TNFRSF1B: variants seen among roughly 807,000 people sequenced by gnomAD.
TNFRSF1B encodes tumor necrosis factor receptor superfamily member 1B.
A neutral mutation model predicts 44.6 loss-of-function variants in TNFRSF1B; 19 were observed. The ratio of observed to expected loss-of-function variants is 0.43; its 90% CI spans 0.30 to 0.62. The LOEUF is 0.62. Among genes scored for constraint, TNFRSF1B ranks in the 20% least tolerant of loss-of-function variants. The pLI is 0.16. For synonymous variants in TNFRSF1B, 252 were observed against 261.1 expected (o/e 0.97, Z 0.34); for missense variants, 541 against 619.9 (o/e 0.87, Z 1.35).
At chr1:12,179,583 T>C (rs1054389694) in intron 1 of TNFRSF1B, among the ~76,000 whole-genome samples, 2 of 152,200 alleles carry the variant, frequency 1.3e-5, no homozygotes, top group Admixed American at 1.3e-4. Flanking sequence ...GAGACCCTTT[T>C]GCCTGGGAGA....
intron 1 of TNFRSF1B, among the ~76,000 whole-genome samples, chr1:12,183,706 ATCTAT>A (rs1191295555): frequency 1.6e-4 from 19 of 121,746 alleles, no homozygotes; most frequent in African/African-American, 4.5e-4. Flanking sequence ...CTATCTATCT[ATCTAT>A]TCTATCTACC....
At position 12,180,625 on chromosome 1, in the gene TNFRSF1B, C is replaced by T. The variant is rs894618040; in HGVS notation, c.79-8171C>T. Among the ~76,000 whole-genome samples, 7 of 152,214 alleles carry T rather than the reference C, an allele frequency of 4.6e-5. No homozygotes were observed. Among genetic ancestry groups the T allele is most frequent in the Admixed American group, 6.5e-5 (1 of 15,290 alleles). ...AGCAGAGTCCTAGTCTTGAGCGAATCTTATACCTGCAGCCCTGTCCACCAG... is the reference window on the plus strand; with the variant it reads ...AGCAGAGTCCTAGTCTTGAGCGAATTTTATACCTGCAGCCCTGTCCACCAG... On this transcript the variant is annotated intron_variant, in intron 1 of 9. Coordinates refer to ENST00000376259, the MANE Select transcript of TNFRSF1B (RefSeq NM_001066.3). The surrounding 1 kb of genome is among the most constrained non-coding windows in gnomAD (Gnocchi z 4.3).
intron 4 of TNFRSF1B, 149 bp downstream of exon 4, chr1:12,192,072 A>C: frequency 8.9e-7 from 1 of 1,122,972 alleles, no homozygotes. Flanking sequence ...CCGTCTGTCC[A>C]CCTGTCCACC....
At chr1:12,200,396 TTGAC>T (rs1038006085) in intron 8 of TNFRSF1B, among the ~76,000 whole-genome samples, 2 of 151,890 alleles carry the variant, frequency 1.3e-5, no homozygotes, top group African/African-American at 4.8e-5. Context: ...CCCGGAATGA[TTGAC>T]TGAGCGCAAA....
chr1:12,194,645 C>G (rs1278598215), intron 8 of TNFRSF1B, 27 bp downstream of exon 8: 1 of 1,613,934 alleles, frequency 6.2e-7, no homozygotes, highest in Non-Finnish European at 8.5e-7. Flanking sequence ...CCCTCTCCCC[C>G]TCTTCCCCTG....
chr1:12,197,236 C>T (rs1048289783), intron 8 of TNFRSF1B, among the ~76,000 whole-genome samples: 6 of 152,222 alleles, frequency 3.9e-5, no homozygotes, highest in African/African-American at 1.2e-4. Context: ...GCATAAGCCA[C>T]CACGCCTGGC....
Position 12,191,755 on chromosome 1 carries a change from C to G in TNFRSF1B, c.308-19C>G. ...GGCGGAGGCAGGCGTGACCGTTTGC[C>G]GCCCTCTCGCTGCTCTAGACCAGGT... is the stretch of plus-strand genomic sequence containing the variant. On this transcript the variant is annotated intron_variant, in intron 3 of 9. Coordinates refer to ENST00000376259, the MANE Select transcript of TNFRSF1B (RefSeq NM_001066.3). 1 of 1,612,632 alleles carries G rather than the reference C, an allele frequency of 6.2e-7. No individual in the cohort carries two copies. Among genetic ancestry groups the G allele is most frequent in the Non-Finnish European group, 8.5e-7 (1 of 1,179,544 alleles).
chr1:12,167,240 G>A, intron 1 of TNFRSF1B, 71 bp downstream of exon 1: 2 of 1,144,670 alleles, frequency 1.7e-6, no homozygotes, highest in South Asian at 3.5e-5. Context: ...CAGCCTTCGG[G>A]TGCCCGGGCC....
At chr1:12,184,214 C>T (rs574049723) in intron 1 of TNFRSF1B, among the ~76,000 whole-genome samples, 11 of 152,316 alleles carry the variant, frequency 7.2e-5, no homozygotes, top group East Asian at 1.9e-4. Context: ...GACCAGAGGC[C>T]GGCTCCCAGG....
chr1:12,196,822 C>G (rs189111576), intron 8 of TNFRSF1B, among the ~76,000 whole-genome samples: 1 of 152,226 alleles, frequency 6.6e-6, no homozygotes, highest in African/African-American at 2.4e-5. Flanking sequence ...GGTGTCTCCC[C>G]CAAGCTCTTC....
intron 8 of TNFRSF1B, among the ~76,000 whole-genome samples, chr1:12,197,156 C>G (rs1639284589): frequency 6.6e-6 from 1 of 152,054 alleles, no homozygotes; most frequent in African/African-American, 2.4e-5. Flanking sequence ...CCATGTTGGC[C>G]AGGCTGGTCT....
chr1:12,192,869 C>T lies in TNFRSF1B; in HGVS notation c.558C>T (p.Asn186=), dbSNP rs536867737. Residue 186 remains asparagine (N), a synonymous_variant, in exon 6 of 10, where the codon AAC becomes AAT. Coordinates refer to ENST00000376259, the MANE Select transcript of TNFRSF1B (RefSeq NM_001066.3). ...AAGCCTCCTCCTCCTCCAGCTGTAACGTGGTGGCCATCCCTGGGAATGCAA... is the reference window on the plus strand; with the variant it reads ...AAGCCTCCTCCTCCTCCAGCTGTAATGTGGTGGCCATCCCTGGGAATGCAA... The part of the protein sequence containing the change: ...TDICRPHQIC[N]VVAIPGNASM... 32 of 1,613,314 alleles carry T rather than the reference C, an allele frequency of 2.0e-5. 1 individual carries two copies. In the South Asian group the frequency reaches 2.5e-4, roughly 13 times the overall value.
chr1:12,208,881 G>A lies in TNFRSF1B; in HGVS notation c.*1861G>A, dbSNP rs1570186442. On this transcript the variant is annotated 3_prime_UTR_variant, in exon 10 of 10. Transcript: ENST00000376259. ...GGATCACTGGAGCCCAGGAGTTTGAGGCTGCAGCGAGCTATGATCGCGCCA... is the reference window on the plus strand; with the variant it reads ...GGATCACTGGAGCCCAGGAGTTTGAAGCTGCAGCGAGCTATGATCGCGCCA... The A allele has an allele frequency of 6.6e-6, 1 of 152,348 alleles. No individual in the cohort carries two copies. Among genetic ancestry groups the A allele is most frequent in the African/African-American group, 2.4e-5 (1 of 41,544 alleles). The allele number at this position is 152,348 out of a possible 1,614,324, so 9.4% of individuals were successfully genotyped here.
In TNFRSF1B at chr1:12,180,734, ACCGGGT is replaced by A. The variant is rs143739771; in HGVS notation, c.79-8060_79-8055del. Reference sequence around the variant, plus strand: ...GTGCAGGGAGGGTGGAACCTGACTGACCGGGTCAGCCTTACTCTTCCAGCGGGGTCT... The same window carrying A: ...GTGCAGGGAGGGTGGAACCTGACTGACAGCCTTACTCTTCCAGCGGGGTCT... On this transcript the variant is annotated intron_variant, in intron 1 of 9. Transcript: ENST00000376259. This position sits in a 1 kb window ranked among gnomAD's most constrained non-coding sequence, Gnocchi z 4.3. Among the ~76,000 whole-genome samples, 161 of 152,168 alleles carry A rather than the reference ACCGGGT, an allele frequency of 1.1e-3. No homozygotes were observed. Among genetic ancestry groups the A allele is most frequent in the African/African-American group, 3.7e-3 (154 of 41,504 alleles).
At chr1:12,172,854 C>T (rs1001604254) in intron 1 of TNFRSF1B, among the ~76,000 whole-genome samples, 1 of 152,146 alleles carries the variant, frequency 6.6e-6, no homozygotes, top group Non-Finnish European at 1.5e-5. Context: ...GTGAAGGGTA[C>T]ATTTGGTGAA....
At chr1:12,190,866 T>C in intron 2 of TNFRSF1B, 91 bp from the exon 3 acceptor site, 1 of 1,499,812 alleles carries the variant, frequency 6.7e-7, no homozygotes, top group Non-Finnish European at 9.0e-7. Flanking sequence ...AGCTGGGCTT[T>C]AGAACTCTGG....
chr1:12,177,466 GGCTGCAC>G lies in TNFRSF1B; in HGVS notation c.78+10298_78+10304del, dbSNP rs1203672398. ...GGTTGCTCATCTCAGGTATGAAATT[GGCTGCAC>G]CCCCACTAGTGTGGGGGAGCAGGAT... On this transcript the variant is annotated intron_variant, in intron 1 of 9. Coordinates refer to ENST00000376259, the MANE Select transcript of TNFRSF1B (RefSeq NM_001066.3). The surrounding 1 kb of genome is among the most constrained non-coding windows in gnomAD (Gnocchi z 4.3). 6.6e-6 allele frequency among the ~76,000 whole-genome samples: 1 copy of G among 152,196 alleles called. No homozygotes were observed. Among genetic ancestry groups the G allele is most frequent in the African/African-American group, 2.4e-5 (1 of 41,460 alleles).
At position 12,208,387 on chromosome 1, in the gene TNFRSF1B, C is replaced by T. The variant is rs1334876362; in HGVS notation, c.*1367C>T. On this transcript the variant is annotated 3_prime_UTR_variant, in exon 10 of 10. Coordinates refer to ENST00000376259, the MANE Select transcript of TNFRSF1B (RefSeq NM_001066.3). The stretch of plus-strand genomic sequence containing the variant: ...AACGGGCTGCCCTGCCACTTTGGTA[C>T]ATGGCCAGTGTGATCCCAAGTGCCA... 6.5e-6 allele frequency: 1 copy of T among 152,808 alleles called. No individual in the cohort carries two copies. The highest frequency in any genetic ancestry group is 2.4e-5 in the African/African-American group (1 of 41,468). 9.5% of individuals were successfully genotyped at this position (152,808 alleles called of 1,614,324 possible).
intron 2 of TNFRSF1B, among the ~76,000 whole-genome samples, chr1:12,189,762 G>A (rs114136735): frequency 1.3e-3 from 193 of 152,358 alleles, no homozygotes; most frequent in Non-Finnish European, 2.1e-3. Context: ...GGTAAGGCGG[G>A]GGAGACAGAA....
Sources: gnomAD v4.1 joint callset for allele counts (sites outside exome capture counted in the v4.1 genomes callset) on GRCh38, gnomAD v4.1.1 for gene constraint, Gnocchi (gnomAD v3.1) non-coding constraint, MANE v1.5 for transcripts, NCBI Gene and HGNC (gene_info 2026-07-23, HGNC 2026-07-21) for gene names.